CCDC18: variants seen among roughly 807,000 people sequenced by gnomAD.
CCDC18 encodes coiled-coil domain-containing protein 18.
Under a neutral mutation model 196.0 loss-of-function variants are expected in CCDC18, and 157 were observed. The observed-to-expected ratio is 0.80, with a 90% CI of 0.70 to 0.91. CCDC18 has a LOEUF of 0.91. CCDC18 is among the 40% of genes least tolerant of loss of function. CCDC18 has a pLI of 0.00. For missense variants in CCDC18, 1,465 were observed against 1,611.6 expected, an observed-to-expected ratio of 0.91 and a Z score of 1.56; for synonymous variants, 482 against 529.2, an observed-to-expected ratio of 0.91 and a Z score of 1.22.
At chr1:93,185,767 A>G (rs903456440) in intron 3 of CCDC18, among the ~76,000 whole-genome samples, 46 of 151,936 alleles carry the variant, frequency 3.0e-4, no homozygotes, top group African/African-American at 1.1e-3. Flanking sequence ...TTTTTCTTTT[A>G]TATAGTTTCA....
At chr1:93,202,969 A>C (rs571641204) in intron 7 of CCDC18, among the ~76,000 whole-genome samples, 1 of 152,348 alleles carries the variant, frequency 6.6e-6, no homozygotes, top group East Asian at 1.9e-4. Context: ...CTGCTAGGCT[A>C]TCTCAAAGAT....
At chr1:93,258,086 T>A (rs1252719478) in intron 25 of CCDC18, among the ~76,000 whole-genome samples, 2 of 150,030 alleles carry the variant, frequency 1.3e-5, no homozygotes, top group South Asian at 4.2e-4. Flanking sequence ...TTAAATTAAT[T>A]AAAATTAAAT....
At chr1:93,226,244 C>G (rs1024642694) in intron 16 of CCDC18, 89 bp from the exon 17 acceptor site, 3 of 617,094 alleles carry the variant, frequency 4.9e-6, no homozygotes, top group Non-Finnish European at 8.8e-6. Flanking sequence ...CTATTTGAAG[C>G]AGTCAGGTAA....
chr1:93,191,895 T>G (rs1651873040), intron 4 of CCDC18, 105 bp from the exon 5 acceptor site: 3 of 681,954 alleles, frequency 4.4e-6, no homozygotes, highest in Non-Finnish European at 7.8e-6. Context: ...TGACCAATGA[T>G]TTGGGAGCCC....
chr1:93,210,318 G>T (rs759923505), intron 9 of CCDC18, among the ~76,000 whole-genome samples: 7 of 152,046 alleles, frequency 4.6e-5, no homozygotes, highest in Non-Finnish European at 8.8e-5. Flanking sequence ...TAAAATTTGG[G>T]ACACATATTG....
chr1:93,198,559 C>G (rs1211483953), intron 6 of CCDC18, among the ~76,000 whole-genome samples: 1 of 152,056 alleles, frequency 6.6e-6, no homozygotes, highest in East Asian at 1.9e-4. Context: ...ATAAACTTCT[C>G]TCATTTAGGA....
At position 93,258,739 on chromosome 1, in the gene CCDC18, ATTTT is replaced by A; in HGVS notation, c.3547-7_3547-4del. On this transcript the variant is annotated splice_region_variant and splice_polypyrimidine_tract_variant and intron_variant, in intron 25 of 28. Coordinates refer to ENST00000690025, the MANE Select transcript of CCDC18 (RefSeq NM_001378204.1). Reference sequence around the variant, plus strand: ...TTTTATAGCTTTTACTCAATATGTCATTTTTAAGGATGCTCATGGAAACCATTTA... The same window carrying A: ...TTTTATAGCTTTTACTCAATATGTCATAAGGATGCTCATGGAAACCATTTA... 1 of 1,533,890 alleles carries A rather than the reference ATTTT, an allele frequency of 6.5e-7. No individual in the cohort carries two copies. Among genetic ancestry groups the A allele is most frequent in the Non-Finnish European group, 8.7e-7 (1 of 1,143,794 alleles).
intron 4 of CCDC18, 140 bp downstream of exon 4, chr1:93,186,643 A>G (rs1180015722): frequency 3.5e-6 from 2 of 577,676 alleles, no homozygotes; most frequent in East Asian, 3.2e-5. Flanking sequence ...TAGTATCAAC[A>G]TGTTGTAAAA....
chr1:93,268,511 A>G (rs1370022192), intron 27 of CCDC18, among the ~76,000 whole-genome samples: 1 of 152,092 alleles, frequency 6.6e-6, no homozygotes, highest in Non-Finnish European at 1.5e-5. Flanking sequence ...AATGGGAGAA[A>G]ATTTTTGCAA....
In CCDC18 at chr1:93,270,375, A is replaced by C. The variant is rs1318911540; in HGVS notation, c.3914A>C (p.Lys1305Thr). Reference sequence around the variant, plus strand: ...TCAGAATTAACCAGATTACAGGCCAAAATTTCTGGACATGAAAAGGCAGAA... The same window carrying C: ...TCAGAATTAACCAGATTACAGGCCACAATTTCTGGACATGAAAAGGCAGAA... Reference protein sequence around the residue: ...KESELTRLQAKISGHEKAEDI... With the variant: ...KESELTRLQATISGHEKAEDI... Residue 1305 changes from lysine (K) to threonine (T), a missense_variant, in exon 28 of 29, where the codon AAA becomes ACA. Physicochemically the swap from Lys to Thr is moderately conservative, Grantham distance 78. Coordinates refer to ENST00000690025, the MANE Select transcript of CCDC18 (RefSeq NM_001378204.1). The C allele has an allele frequency of 1.3e-6, 2 of 1,548,980 alleles. No homozygotes were observed.
At chr1:93,268,985 A>C (rs1380484402) in intron 27 of CCDC18, among the ~76,000 whole-genome samples, 1 of 152,180 alleles carries the variant, frequency 6.6e-6, no homozygotes, top group Non-Finnish European at 1.5e-5. Context: ...ATGTATGTTT[A>C]TTGCGGCACT....
intron 6 of CCDC18, among the ~76,000 whole-genome samples, chr1:93,199,106 C>A (rs145330012): frequency 6.6e-6 from 1 of 152,198 alleles, no homozygotes; most frequent in Admixed American, 6.5e-5. Context: ...TGTTGCTTCA[C>A]GAGCCAGAAA....
In CCDC18 at chr1:93,186,515, G is replaced by C; in HGVS notation, c.462+12G>C. 1 of 1,567,704 alleles carries C rather than the reference G, an allele frequency of 6.4e-7. No homozygotes were observed. The highest frequency in any genetic ancestry group is 8.6e-7 in the Non-Finnish European group (1 of 1,158,104). On this transcript the variant is annotated intron_variant, in intron 4 of 28. Transcript: ENST00000690025. ...AGTCAAGAGCAAAAGTATGTATCTT[G>C]AAATAAGTTTGCCAACAGAAAATAG...
At chr1:93,235,442 T>C (rs1400902134) in intron 18 of CCDC18, among the ~76,000 whole-genome samples, 2 of 152,168 alleles carry the variant, frequency 1.3e-5, no homozygotes, top group Non-Finnish European at 2.9e-5. Context: ...TCCATTGGAA[T>C]TAGCAACTTG....
At chr1:93,253,254 C>T (rs1014837531) in intron 23 of CCDC18, among the ~76,000 whole-genome samples, 1 of 152,204 alleles carries the variant, frequency 6.6e-6, no homozygotes, top group African/African-American at 2.4e-5. Context: ...GCTGGAGAAC[C>T]TATCTTGTTG....
At position 93,212,212 on chromosome 1, in the gene CCDC18, A is replaced by G; in HGVS notation, c.1446A>G (p.Lys482=). Residue 482 remains lysine (K), a synonymous_variant, in exon 11 of 29, where the codon AAA becomes AAG. Transcript: ENST00000690025. ...ITCNDSQESS[K]LSSLETEPVK... is the part of the protein sequence containing the mutation. ...GTAATGACAGCCAAGAAAGTAGCAA[A>G]TTAAGTAGTTTAGAAACAGAACCTG... 1.9e-6 allele frequency: 3 copies of G among 1,609,688 alleles called. No individual in the cohort carries two copies. Among genetic ancestry groups the G allele is most frequent in the Non-Finnish European group, 2.5e-6 (3 of 1,178,508 alleles).
intron 6 of CCDC18, among the ~76,000 whole-genome samples, chr1:93,197,745 C>CTTTTTTTT (rs71094240): frequency 1.0e-3 from 76 of 75,924 alleles, no homozygotes; most frequent in Non-Finnish European, 1.3e-3. Flanking sequence ...CTTTTCTTTT[C>CTTTTTTTT]TTTTTTTTTT....
chr1:93,211,275 T>TAAAAA, intron 10 of CCDC18, among the ~76,000 whole-genome samples: 1 of 140,172 alleles, frequency 7.1e-6, no homozygotes, highest in Non-Finnish European at 1.5e-5. Flanking sequence ...GAGACTCCAT[T>TAAAAA]AAAAAAAAAA....
chr1:93,259,900 T>TA, intron 26 of CCDC18, among the ~76,000 whole-genome samples: 1 of 152,348 alleles, frequency 6.6e-6, no homozygotes, highest in East Asian at 1.9e-4. Flanking sequence ...TAAGTATAAT[T>TA]ATCCAATTGT....
Sources: gnomAD v4.1 joint callset for allele counts (sites outside exome capture counted in the v4.1 genomes callset) on GRCh38, gnomAD v4.1.1 for gene constraint, MANE v1.5 for transcripts, NCBI Gene and HGNC (gene_info 2026-07-23, HGNC 2026-07-21) for gene names.